Variants in TNFRSF13B observed in about 807,000 individuals in gnomAD.
TNFRSF13B encodes TNF receptor superfamily member 13B.
TNFRSF13B carries 34 observed loss-of-function variants against 24.0 expected under a neutral mutation model. The observed-to-expected ratio is 1.41, with a 90% CI of 1.08 to 1.88. The LOEUF (loss-of-function observed/expected upper bound fraction) is 1.88. Ranked by LOEUF, TNFRSF13B falls within the 40% of genes most tolerant of loss-of-function variation. The pLI is 0.00. For missense variants in TNFRSF13B, 415 were observed against 380.8 expected (o/e 1.09, Z -0.75); for synonymous variants, 173 against 150.3 (o/e 1.15, Z -1.10).
chr17:16,939,770 AC>A lies in TNFRSF13B; in HGVS notation c.658del (p.Val220Ter). 6.2e-7 allele frequency: 1 copy of A among 1,611,490 alleles called. No homozygotes were observed. The highest frequency in any genetic ancestry group is 8.5e-7 in the Non-Finnish European group (1 of 1,179,002). ...CTCCACTGGCTCGGGGGATGTGCTC[AC>A]AGGGCTGCCGGCTTCCATCGCGTGA... The part of the protein sequence containing the change: ...QDHAMEAGSP[V>X]STSPEPVETC... On this transcript the variant is annotated frameshift_variant, in exon 5 of 5. Transcript: ENST00000261652. LOFTEE classifies it low-confidence loss of function (END_TRUNC).
chr17:16,952,713 G>C (rs896723285), intron 1 of TNFRSF13B, 130 bp from the exon 2 acceptor site: 16 of 1,428,670 alleles, frequency 1.1e-5, no homozygotes, highest in Middle Eastern at 1.8e-4. Context: ...GAGCAGAGAG[G>C]GCAGACAAAG....
chr17:16,950,865 G>A lies in TNFRSF13B; in HGVS notation c.199+1581C>T, dbSNP rs540540546. Among the ~76,000 whole-genome samples the A allele has an allele frequency of 7.2e-5, 11 of 151,822 alleles. No individual in the cohort carries two copies. The South Asian group carries it at 1.5e-3, about 20-fold the overall frequency. ...TCTTCCAGGTGCCCATCTGATTTCC[G>A]CATTCTGTGACCTCTTAACAATCTG... On this transcript the variant is annotated intron_variant, in intron 2 of 4. Coordinates refer to ENST00000261652, the MANE Select transcript of TNFRSF13B (RefSeq NM_012452.3).
At chr17:16,959,698 C>A (rs998879678) in intron 1 of TNFRSF13B, among the ~76,000 whole-genome samples, 2 of 151,924 alleles carry the variant, frequency 1.3e-5, no homozygotes, top group African/African-American at 2.4e-5. Context: ...ATACTATAAA[C>A]AATGGTACAC....
At chr17:16,943,080 A>C (rs966475610) in intron 3 of TNFRSF13B, among the ~76,000 whole-genome samples, 1 of 152,190 alleles carries the variant, frequency 6.6e-6, no homozygotes, top group Non-Finnish European at 1.5e-5. Flanking sequence ...CCAGCATCAG[A>C]GTCAAGCCTC....
At chr17:16,949,686 ATT>A (rs58362582) in intron 2 of TNFRSF13B, among the ~76,000 whole-genome samples, 10 of 144,330 alleles carry the variant, frequency 6.9e-5, no homozygotes, top group African/African-American at 1.0e-4. Context: ...AATATTTCTA[ATT>A]TTTTTTTTTT....
At chr17:16,959,774 A>G (rs191276230) in intron 1 of TNFRSF13B, among the ~76,000 whole-genome samples, 3 of 152,274 alleles carry the variant, frequency 2.0e-5, no homozygotes, top group Non-Finnish European at 4.4e-5. Context: ...ACCAAAACTG[A>G]TGAATGAACA....
intron 1 of TNFRSF13B, among the ~76,000 whole-genome samples, chr17:16,965,461 TAGC>T (rs1454232364): frequency 3.3e-5 from 5 of 152,216 alleles, no homozygotes; most frequent in African/African-American, 1.2e-4. Context: ...CCTTCCAAGA[TAGC>T]AGGCACACAG....
At chr17:16,962,979 A>G (rs530823628) in intron 1 of TNFRSF13B, among the ~76,000 whole-genome samples, 1 of 152,170 alleles carries the variant, frequency 6.6e-6, no homozygotes, top group Non-Finnish European at 1.5e-5. Context: ...GGGGGAGTGG[A>G]CCAGATTCTG....
intron 3 of TNFRSF13B, among the ~76,000 whole-genome samples, chr17:16,946,592 A>T (rs900463556): frequency 0.029 from 3,473 of 121,468 alleles, 165 homozygotes; most frequent in East Asian, 0.2. Flanking sequence ...TTATTTATTT[A>T]TTTATTTTTT....
At chr17:16,943,983 A>G (rs1284997043) in intron 3 of TNFRSF13B, among the ~76,000 whole-genome samples, 1 of 151,884 alleles carries the variant, frequency 6.6e-6, no homozygotes, top group Non-Finnish European at 1.5e-5. Flanking sequence ...TCAACATCTC[A>G]AGCCATTTTC....
chr17:16,967,586 A>AAT (rs1597669830), intron 1 of TNFRSF13B, among the ~76,000 whole-genome samples: 2 of 151,302 alleles, frequency 1.3e-5, no homozygotes, highest in East Asian at 2.0e-4. Context: ...CTCTACTAAA[A>AAT]ATATATAAAA....
intron 1 of TNFRSF13B, among the ~76,000 whole-genome samples, chr17:16,962,307 G>A (rs977660924): frequency 5.3e-5 from 8 of 152,172 alleles, no homozygotes; most frequent in African/African-American, 1.4e-4. Flanking sequence ...AGGAGTTCGA[G>A]ACCAGCCTGG....
At chr17:16,959,573 C>T (rs1446125176) in intron 1 of TNFRSF13B, among the ~76,000 whole-genome samples, 1 of 151,858 alleles carries the variant, frequency 6.6e-6, no homozygotes, top group African/African-American at 2.4e-5. Context: ...ACAAAATTGA[C>T]AAACCTTTAG....
intron 1 of TNFRSF13B, among the ~76,000 whole-genome samples, chr17:16,971,360 AC>A (rs1333470117): frequency 4.1e-5 from 2 of 48,204 alleles, no homozygotes; most frequent in Admixed American, 1.9e-4. Context: ...AAAAACAAAA[AC>A]AAAAACAAAA....
intron 3 of TNFRSF13B, among the ~76,000 whole-genome samples, chr17:16,943,705 A>G (rs2087527496): frequency 6.6e-6 from 1 of 152,112 alleles, no homozygotes; most frequent in Non-Finnish European, 1.5e-5. Context: ...TCCTAGTGCC[A>G]TCTCCAGCTG....
chr17:16,969,009 C>T (rs75525998), intron 1 of TNFRSF13B, among the ~76,000 whole-genome samples: 69 of 152,346 alleles, frequency 4.5e-4, no homozygotes, highest in African/African-American at 1.6e-3. Context: ...TACCACCTCA[C>T]ACCCCTTGGG....
intron 1 of TNFRSF13B, among the ~76,000 whole-genome samples, chr17:16,959,806 A>G (rs1209077413): frequency 6.6e-6 from 1 of 152,142 alleles, no homozygotes; most frequent in Non-Finnish European, 1.5e-5. Flanking sequence ...TACTCCTATA[A>G]CGAGATTGAA....
At chr17:16,954,770 C>A (rs2087613566) in intron 1 of TNFRSF13B, among the ~76,000 whole-genome samples, 1 of 152,194 alleles carries the variant, frequency 6.6e-6, no homozygotes, top group African/African-American at 2.4e-5. Flanking sequence ...GGTGTGACCC[C>A]AGCACATCCC....
chr17:16,963,452 A>G lies in TNFRSF13B; in HGVS notation c.61+8563T>C, dbSNP rs533210928. Among the ~76,000 whole-genome samples, 3 of 152,276 alleles carry G rather than the reference A, an allele frequency of 2.0e-5. No homozygotes were observed. In the East Asian group the frequency reaches 5.8e-4, roughly 29 times the overall value. On this transcript the variant is annotated intron_variant, in intron 1 of 4. Coordinates refer to ENST00000261652, the MANE Select transcript of TNFRSF13B (RefSeq NM_012452.3). ...CCTCATTCTTGCCCTTTACAATTTC[A>G]CCAAGAAAACCTGTAGATGTGACTG...
Sources: gnomAD v4.1 joint callset for allele counts (sites outside exome capture counted in the v4.1 genomes callset) on GRCh38, gnomAD v4.1.1 for gene constraint, MANE v1.5 for transcripts, NCBI Gene and HGNC (gene_info 2026-07-23, HGNC 2026-07-21) for gene names.